NDUFS2: variants seen among roughly 807,000 people sequenced by gnomAD.
NDUFS2 encodes NADH:ubiquinone oxidoreductase core subunit S2, also known as NADH dehydrogenase [ubiquinone] iron-sulfur protein 2, mitochondrial.
Under a neutral mutation model 69.6 loss-of-function variants are expected in NDUFS2, and 38 were observed. The observed-to-expected ratio is 0.55, with a 90% CI of 0.42 to 0.72. The LOEUF is 0.72. Among genes scored for constraint, NDUFS2 ranks in the 30% least tolerant of loss-of-function variants. NDUFS2 has a pLI of 0.00. For synonymous variants in NDUFS2, 194 were observed against 211.2 expected (o/e 0.92, Z 0.70); for missense variants, 468 against 595.0 (o/e 0.79, Z 2.22).
Position 161,213,705 on chromosome 1 carries a change from G to C in NDUFS2, c.1269G>C (p.Lys423Asn), listed in dbSNP as rs1571624589. Reference protein sequence around the residue: ...SDGSSRPYRCKIKAPGFAHLA... With the variant: ...SDGSSRPYRCNIKAPGFAHLA... ...GCAGCAGCCGCCCTTATCGATGCAA[G>C]ATCAAGGCTCCTGGTTTTGCCCATC... The change falls in exon 12 of 14, where the codon AAG becomes AAC. Residue 423 changes from lysine to asparagine, a missense_variant. By Grantham distance (94) the Lys-to-Asn change is moderately conservative. Transcript: ENST00000676972. The C allele has an allele frequency of 6.2e-7, 1 of 1,614,194 alleles. No individual in the cohort carries two copies. Among genetic ancestry groups the C allele is most frequent in the East Asian group, 2.2e-5 (1 of 44,888 alleles).
Position 161,209,288 on chromosome 1 carries a change from T to G in NDUFS2, c.489T>G (p.Pro163=). 1 of 1,614,084 alleles carries G rather than the reference T, an allele frequency of 6.2e-7. No homozygotes were observed. Among genetic ancestry groups the G allele is most frequent in the Non-Finnish European group, 8.5e-7 (1 of 1,180,026 alleles). ...LAVEKLLNIR[P]PPRAQWIRVL... is the part of the protein sequence containing the mutation. ...TGGAGAAGTTGCTAAACATCCGGCC[T>G]CCTCCTCGGGCACAGTGGATCCGAG... The change falls in exon 4 of 14, where the codon CCT becomes CCG. Residue 163 remains proline, a synonymous_variant. Transcript: ENST00000676972.
chr1:161,204,925 C>A (rs1440632525), intron 2 of NDUFS2, among the ~76,000 whole-genome samples: 2 of 152,060 alleles, frequency 1.3e-5, no homozygotes, highest in Non-Finnish European at 2.9e-5. Context: ...GTGGCACGCA[C>A]CTGTAATTCT....
Position 161,209,509 on chromosome 1 carries a change from T to C in NDUFS2, c.541T>C (p.Leu181=), listed in dbSNP as rs1665654367. ...GCTGTTTGGAGAAATCACACGTTTG[T>C]TGAACCACATCATGGCTGTGACCAC... ...RVLFGEITRL[L]NHIMAVTTHA... Residue 181 remains leucine (L), a synonymous_variant, in exon 5 of 14, where the codon TTG becomes CTG. Coordinates refer to ENST00000676972, the MANE Select transcript of NDUFS2 (RefSeq NM_001377299.1). The C allele has an allele frequency of 6.2e-7, 1 of 1,613,744 alleles. No homozygotes were observed. Among genetic ancestry groups the C allele is most frequent in the African/African-American group, 1.3e-5 (1 of 74,836 alleles).
intron 1 of NDUFS2, among the ~76,000 whole-genome samples, 184 bp downstream of exon 1, chr1:161,202,664 G>T (rs1558081709): frequency 1.3e-5 from 2 of 152,160 alleles, no homozygotes; most frequent in Non-Finnish European, 2.9e-5. Flanking sequence ...TCTAGAGTTC[G>T]TTCGTGCCGA....
At chr1:161,210,231 G>A (rs778081445) in intron 7 of NDUFS2, 43 bp downstream of exon 7, 4 of 1,610,792 alleles carry the variant, frequency 2.5e-6, no homozygotes, top group Non-Finnish European at 3.4e-6. Context: ...CCCACAAGAA[G>A]GGCTAGAGAA....
At chr1:161,210,491 T>C (rs949967406) in intron 8 of NDUFS2, 100 bp from the exon 9 acceptor site, 2 of 1,605,784 alleles carry the variant, frequency 1.2e-6, no homozygotes, top group African/African-American at 2.7e-5. Flanking sequence ...CTCCTAGTCA[T>C]ACCCTGAATG....
At chr1:161,204,690 T>C (rs1323857346) in intron 2 of NDUFS2, among the ~76,000 whole-genome samples, 2 of 152,222 alleles carry the variant, frequency 1.3e-5, no homozygotes, top group Non-Finnish European at 2.9e-5. Context: ...CATTTTCGTA[T>C]GCATTATTTT....
At chr1:161,208,202 C>T (rs893326630) in intron 3 of NDUFS2, among the ~76,000 whole-genome samples, 4 of 151,490 alleles carry the variant, frequency 2.6e-5, no homozygotes, top group Non-Finnish European at 4.4e-5. Context: ...CCAGGCTGGT[C>T]TCAAACTCCT....
chr1:161,204,013 G>A (rs1334925544), intron 2 of NDUFS2, among the ~76,000 whole-genome samples: 2 of 152,144 alleles, frequency 1.3e-5, no homozygotes, highest in Non-Finnish European at 2.9e-5. Flanking sequence ...ATAACAACAG[G>A]TATTTGTGAA....
At position 161,210,405 on chromosome 1, in the gene NDUFS2, C is replaced by G; in HGVS notation, c.866+16C>G. 6.2e-7 allele frequency: 1 copy of G among 1,610,260 alleles called. No homozygotes were observed. Among genetic ancestry groups the G allele is most frequent in the Non-Finnish European group, 8.5e-7 (1 of 1,176,548 alleles). On this transcript the variant is annotated intron_variant, in intron 8 of 13. Transcript: ENST00000676972. ...ATGGTTTTAGGTGAGGGGAATACAA[C>G]TTCTCTCCGTAGGAGTGGGGGTGGG...
chr1:161,209,381 C>T (rs551000913), intron 4 of NDUFS2, 68 bp downstream of exon 4: 24 of 1,612,426 alleles, frequency 1.5e-5, no homozygotes, highest in Middle Eastern at 1.7e-4. Context: ...ACCACTTCCC[C>T]GTTGAACCCA....
In NDUFS2 at chr1:161,211,557, G is replaced by T. The variant is rs369255806; in HGVS notation, c.987-794G>T. On this transcript the variant is annotated intron_variant, in intron 9 of 13. Transcript: ENST00000676972. The stretch of plus-strand genomic sequence containing the variant: ...TCCAGCTACTTGGGAGGCTGAGGAA[G>T]GAGAGTTGCTTGAATCTAGGAGGTG... 4.6e-5 allele frequency among the ~76,000 whole-genome samples: 7 copies of T among 152,284 alleles called. No individual in the cohort carries two copies. The East Asian group carries it at 7.7e-4, about 17-fold the overall frequency.
At chr1:161,200,936 C>A (rs535260266), upstream of NDUFS2, among the ~76,000 whole-genome samples, 1 of 152,160 alleles carries the variant, frequency 6.6e-6, no homozygotes, top group Admixed American at 6.5e-5. Flanking sequence ...AGGAGCCCCC[C>A]ACCCCAGTCC....
chr1:161,210,842 T>C, intron 9 of NDUFS2, 132 bp downstream of exon 9: 1 of 1,359,776 alleles, frequency 7.4e-7, no homozygotes, highest in Non-Finnish European at 1.0e-6. Context: ...ACGAGGTTGC[T>C]CTCAAAACAC....
chr1:161,210,024 C>G, intron 6 of NDUFS2, 87 bp from the exon 7 acceptor site: 4 of 1,591,182 alleles, frequency 2.5e-6, no homozygotes, highest in Non-Finnish European at 3.5e-6. Flanking sequence ...AAACTCCAAA[C>G]CTGTATCGCT....
chr1:161,209,027 T>A (rs113064621), intron 3 of NDUFS2, among the ~76,000 whole-genome samples, 166 bp from the exon 4 acceptor site: 7 of 152,364 alleles, frequency 4.6e-5, no homozygotes, highest in African/African-American at 1.7e-4. Flanking sequence ...TTTACTAGAA[T>A]ACTACTGGTT....
chr1:161,211,170 C>T (rs983143594), intron 9 of NDUFS2, among the ~76,000 whole-genome samples: 8 of 152,238 alleles, frequency 5.3e-5, no homozygotes, highest in Non-Finnish European at 1.0e-4. Flanking sequence ...CCACCACACC[C>T]GGCCTATGGC....
rs532140896 is a variant in NDUFS2, at chr1:161,212,280, A to G, written c.987-71A>G. ...GACCTAACCCTTTTGAGGTTGGCCA[A>G]AGGGCATCCTTCCTAGCCCCATACC... On this transcript the variant is annotated intron_variant, in intron 9 of 13. Transcript: ENST00000676972. 3.1e-4 allele frequency: 500 copies of G among 1,603,142 alleles called. 1 individual carries two copies. The African/African-American group carries it at 5.9e-3, about 19-fold the overall frequency.
Position 161,210,611 on chromosome 1 carries a change from C to T in NDUFS2, c.887C>T (p.Ser296Leu). 4 of 1,614,118 alleles carry T rather than the reference C, an allele frequency of 2.5e-6. No individual in the cohort carries two copies. The highest frequency in any genetic ancestry group is 3.4e-6 in the Non-Finnish European group (4 of 1,180,020). ...YGFSGVMLRG[S>L]GIQWDLRKTQ... The stretch of plus-strand genomic sequence containing the variant: ...CACAGTGGAGTGATGCTTCGGGGCT[C>T]AGGCATCCAGTGGGACCTGCGGAAG... Residue 296 changes from serine to leucine, a missense_variant, in exon 9 of 14, where the codon TCA becomes TTA. Ser to Leu is a moderately radical substitution (Grantham distance 145). Coordinates refer to ENST00000676972, the MANE Select transcript of NDUFS2 (RefSeq NM_001377299.1).
Sources: gnomAD v4.1 joint callset for allele counts (sites outside exome capture counted in the v4.1 genomes callset) on GRCh38, gnomAD v4.1.1 for gene constraint, MANE v1.5 for transcripts, NCBI Gene and HGNC (gene_info 2026-07-23, HGNC 2026-07-21) for gene names.